ZNF875: variants seen among roughly 807,000 people sequenced by gnomAD.
ZNF875 encodes the protein zinc finger protein 875, also known as HKR1, GLI-Kruppel zinc finger family member.
A neutral mutation model predicts 11.2 loss-of-function variants in ZNF875; 14 were observed. That is an observed-to-expected ratio of 1.26 (90% CI 0.83 to 1.96). ZNF875 has a LOEUF of 1.96. ZNF875 is among the 30% of genes most tolerant of loss of function. ZNF875 has a pLI of 0.00. For missense variants in ZNF875, 752 were observed against 760.4 expected (o/e 0.99, Z 0.13); for synonymous variants, 301 against 281.1 (o/e 1.07, Z -0.71).
chr19:37,331,690 G>T (rs1207478372), upstream of ZNF875, among the ~76,000 whole-genome samples: 3 of 148,270 alleles, frequency 2.0e-5, no homozygotes, highest in African/African-American at 4.9e-5. Flanking sequence ...ACTGCAGAAG[G>T]CCGCAGGGAC....
At chr19:37,339,595 C>T (rs1200687264) in intron 2 of ZNF875, among the ~76,000 whole-genome samples, 1 of 144,418 alleles carries the variant, frequency 6.9e-6, no homozygotes, top group African/African-American at 2.6e-5. Flanking sequence ...CACTCTGTCC[C>T]ACTGCATCAG....
rs552933332 is a variant in ZNF875, at chr19:37,363,482, C to T, written c.1630C>T (p.Arg544Trp). Residue 544 changes from arginine (R) to tryptophan (W), a missense_variant, in exon 5 of 5, where the codon CGG (arginine) becomes TGG (tryptophan). Transcript: ENST00000392153. ...FMCRECGRRF[R>W]QKPNLFRHKR... is the part of the protein sequence containing the mutation. ...GTGCAGGGAGTGTGGCAGAAGGTTT[C>T]GGCAGAAGCCTAACCTGTTTAGGCA... 8.7e-5 allele frequency: 141 copies of T among 1,611,740 alleles called. No homozygotes were observed. The highest frequency in any genetic ancestry group is 1.1e-4 in the Non-Finnish European group (130 of 1,179,240).
intron 4 of ZNF875, chr19:37,359,431 G>A (rs565678203): frequency 2.1e-4 from 52 of 251,862 alleles, no homozygotes; most frequent in Non-Finnish European, 3.3e-4. Flanking sequence ...TTTAGATGGA[G>A]CCTTGCTCTG....
chr19:37,317,303 A>G (rs372768240), upstream of ZNF875, among the ~76,000 whole-genome samples: 302 of 139,846 alleles, frequency 2.2e-3, 3 homozygotes, highest in African/African-American at 7.7e-3. Context: ...CTCCTGCCTC[A>G]GCCTCTCCGA....
chr19:37,334,747 T>C lies in ZNF875; in HGVS notation c.-92T>C. On this transcript the variant is annotated 5_prime_UTR_variant, in exon 1 of 5. Coordinates refer to ENST00000392153, the MANE Select transcript of ZNF875 (RefSeq NM_001353803.2). ...CACCTCTGCACCTTGTTACCTGACTTTCGGCTTCAGGATCCGCAGCGTGCA... is the reference window on the plus strand; with the variant it reads ...CACCTCTGCACCTTGTTACCTGACTCTCGGCTTCAGGATCCGCAGCGTGCA... 1 of 456,238 alleles carries C rather than the reference T, an allele frequency of 2.2e-6. No individual in the cohort carries two copies. The highest frequency in any genetic ancestry group is 4.4e-6 in the Non-Finnish European group (1 of 226,894). 28.3% of individuals were successfully genotyped at this position (456,238 alleles called of 1,614,324 possible).
chr19:37,325,207 C>T (rs1427030625), intron 4 of ZNF875, among the ~76,000 whole-genome samples: 3 of 152,186 alleles, frequency 2.0e-5, no homozygotes, highest in African/African-American at 7.2e-5. Flanking sequence ...ATGCTACTCT[C>T]CTGCTGTGCA....
upstream of ZNF875, among the ~76,000 whole-genome samples, chr19:37,331,606 A>G (rs1356690194): frequency 6.8e-6 from 1 of 147,200 alleles, no homozygotes; most frequent in Non-Finnish European, 1.5e-5. Context: ...GCTTTGTTAA[A>G]CAGATGCTTG....
rs1486689947 is a variant in ZNF875, at chr19:37,347,803, A to G, written c.187A>G (p.Ile63Val). ...AATTCCATCTTCTAAACCAAAACTC[A>G]TTGCTCAGCTGGAGCGAGGGGAAGC... ...LEIPSSKPKL[I>V]AQLERGEAPW... is the part of the protein sequence containing the mutation. Residue 63 changes from isoleucine (I) to valine (V), a missense_variant, in exon 4 of 5, where the codon ATT (isoleucine) becomes GTT (valine). Transcript: ENST00000392153. 1.2e-6 allele frequency: 2 copies of G among 1,613,274 alleles called. No homozygotes were observed. Among genetic ancestry groups the G allele is most frequent in the South Asian group, 1.1e-5 (1 of 91,072 alleles).
rs759190495 is a variant in ZNF875 at position 37,347,304 on chromosome 19, C to T, written c.148C>T (p.Leu50=). Residue 50 remains leucine (L), a synonymous_variant, in exon 3 of 5, where the codon CTG becomes TTG. Coordinates refer to ENST00000392153, the MANE Select transcript of ZNF875 (RefSeq NM_001353803.2). ...REVMLETYNH[L]VSLEIPSSKP... ...GGTGATGCTGGAGACTTATAACCAT[C>T]TGGTCTCACTGGGTAAGAATGGCCT... 11 of 1,613,108 alleles carry T rather than the reference C, an allele frequency of 6.8e-6. No individual in the cohort carries two copies. In the South Asian group the frequency reaches 1.1e-4, roughly 16 times the overall value.
Position 37,334,965 on chromosome 19 carries a change from A to G in ZNF875, c.-57+183A>G, listed in dbSNP as rs11671057. 4.6e-3 allele frequency: 2,298 copies of G among 503,722 alleles called. 30 individuals are homozygous for G. Among genetic ancestry groups the G allele is most frequent in the South Asian group, 0.024 (1,220 of 51,744 alleles). The allele number at this position is 503,722 out of a possible 1,614,324, so 31.2% of individuals were successfully genotyped here. Reference sequence around the variant, plus strand: ...ACCCTCACTCCGTTGCTTGGGGACAAGGGCTTCACTCCCTGTCCCGAGCTT... The same window carrying G: ...ACCCTCACTCCGTTGCTTGGGGACAGGGGCTTCACTCCCTGTCCCGAGCTT... On this transcript the variant is annotated intron_variant, in intron 1 of 4. Transcript: ENST00000392153.
intron 4 of ZNF875, chr19:37,359,418 T>TC: frequency 4.1e-6 from 1 of 242,400 alleles, no homozygotes; most frequent in South Asian, 3.7e-5. Context: ...TCTTTTTTTT[T>TC]TTTTTAGATG....
chr19:37,337,591 G>A (rs559634641), intron 2 of ZNF875: 1 of 151,610 alleles, frequency 6.6e-6, no homozygotes, highest in Admixed American at 6.6e-5. Context: ...ATTACAGGTG[G>A]CGCCACCAGG....
At chr19:37,357,902 C>T (rs1030431605) in intron 4 of ZNF875, 3 of 398,162 alleles carry the variant, frequency 7.5e-6, no homozygotes, top group Non-Finnish European at 1.3e-5. Flanking sequence ...CTAGGACTTC[C>T]AGTACTAAGT....
chr19:37,354,121 A>G (rs2038438650), intron 4 of ZNF875, among the ~76,000 whole-genome samples: 1 of 151,506 alleles, frequency 6.6e-6, no homozygotes, highest in African/African-American at 2.4e-5. Context: ...GATATATGTA[A>G]TTTCTATTCT....
intron 4 of ZNF875, among the ~76,000 whole-genome samples, chr19:37,361,671 C>T (rs1392218013): frequency 6.6e-6 from 1 of 152,062 alleles, no homozygotes; most frequent in Non-Finnish European, 1.5e-5. Context: ...TGCCTGTAAT[C>T]CCAGCACTTT....
chr19:37,329,060 C>T (rs2032977500), intron 4 of ZNF875: 2 of 152,080 alleles, frequency 1.3e-5, no homozygotes, highest in African/African-American at 4.8e-5. Context: ...TTAACAAGTC[C>T]CCAGGTGAGT....
chr19:37,344,689 G>C, intron 2 of ZNF875: 1 of 1,613,802 alleles, frequency 6.2e-7, no homozygotes, highest in Non-Finnish European at 8.5e-7. Context: ...TGAATCATGA[G>C]GGTCAACCAC....
At chr19:37,334,550 C>A, upstream of ZNF875, 1 of 371,062 alleles carries the variant, frequency 2.7e-6, no homozygotes, top group Non-Finnish European at 5.4e-6. Flanking sequence ...AAGCCGACTT[C>A]TCCGCCTCTG....
At chr19:37,324,126 A>G (rs2032013642) in intron 3 of ZNF875, 2 of 152,204 alleles carry the variant, frequency 1.3e-5, no homozygotes, top group Non-Finnish European at 1.5e-5. Flanking sequence ...TACTTTTTGC[A>G]TAAACTGCGG....
Sources: gnomAD v4.1 joint callset for allele counts (sites outside exome capture counted in the v4.1 genomes callset) on GRCh38, gnomAD v4.1.1 for gene constraint, MANE v1.5 for transcripts, NCBI Gene and HGNC (gene_info 2026-07-23, HGNC 2026-07-21) for gene names.